RABGAP1: variants seen among roughly 807,000 people sequenced by gnomAD.
The protein encoded by RABGAP1 is rab GTPase-activating protein 1.
RABGAP1 carries 23 observed loss-of-function variants against 137.6 expected under a neutral mutation model. That is an observed-to-expected ratio of 0.17 (90% confidence interval 0.12 to 0.24). RABGAP1 has a LOEUF of 0.24. RABGAP1 is among the 10% of genes least tolerant of loss of function. RABGAP1 has a pLI of 1.00. For missense variants in RABGAP1, 906 were observed against 1,275.8 expected (o/e 0.71, Z 4.42); for synonymous variants, 451 against 450.7 (o/e 1.00, Z -0.01).
intron 14 of RABGAP1, among the ~76,000 whole-genome samples, chr9:123,069,349 C>T (rs1386875934): frequency 6.6e-6 from 1 of 152,092 alleles, no homozygotes; most frequent in East Asian, 1.9e-4. Context: ...GTTTCGTGAG[C>T]GCATGCTGTA....
intron 10 of RABGAP1, among the ~76,000 whole-genome samples, chr9:123,004,293 C>T (rs2030004268): frequency 1.3e-5 from 2 of 152,032 alleles, no homozygotes; most frequent in South Asian, 2.1e-4. Context: ...ATCTCAACAA[C>T]GTCTTTTTTG....
At chr9:123,066,052 C>T (rs370080116) in intron 14 of RABGAP1, among the ~76,000 whole-genome samples, 3 of 152,142 alleles carry the variant, frequency 2.0e-5, no homozygotes, top group African/African-American at 7.2e-5. Context: ...TTCATCTGTT[C>T]TCAGAATTAG....
chr9:123,050,943 T>G (rs912924379), intron 13 of RABGAP1, among the ~76,000 whole-genome samples: 3 of 152,152 alleles, frequency 2.0e-5, no homozygotes, highest in Non-Finnish European at 2.9e-5. Flanking sequence ...GCAGGGTTTT[T>G]TTTGTTTGTT....
At chr9:123,098,539 C>T (rs1281657668) in intron 22 of RABGAP1, among the ~76,000 whole-genome samples, 176 bp from the exon 23 acceptor site, 1 of 152,176 alleles carries the variant, frequency 6.6e-6, no homozygotes, top group African/African-American at 2.4e-5. Context: ...TCTCCCTCTC[C>T]TGCATCAGGA....
chr9:122,988,830 CT>C (rs1836505406), intron 4 of RABGAP1, among the ~76,000 whole-genome samples: 1 of 151,648 alleles, frequency 6.6e-6, no homozygotes, highest in African/African-American at 2.4e-5. Flanking sequence ...GTAATCCCAG[CT>C]ACTTGGGAGG....
At chr9:123,050,514 T>C (rs1264732526) in intron 13 of RABGAP1, among the ~76,000 whole-genome samples, 1 of 152,248 alleles carries the variant, frequency 6.6e-6, no homozygotes, top group Non-Finnish European at 1.5e-5. Context: ...TAAAGGGCAG[T>C]GTTGCTAGTC....
At chr9:123,081,536 A>C (rs2034707126) in intron 19 of RABGAP1, among the ~76,000 whole-genome samples, 1 of 152,106 alleles carries the variant, frequency 6.6e-6, no homozygotes, top group African/African-American at 2.4e-5. Flanking sequence ...TCCCAGACTC[A>C]AACGATCCTC....
At chr9:122,953,292 A>G (rs1315381262) in intron 1 of RABGAP1, among the ~76,000 whole-genome samples, 1 of 152,166 alleles carries the variant, frequency 6.6e-6, no homozygotes, top group Non-Finnish European at 1.5e-5. Context: ...TGTTTTATGT[A>G]TAGTCCTTAG....
chr9:123,049,911 T>C (rs905518457), intron 13 of RABGAP1, among the ~76,000 whole-genome samples: 1 of 152,230 alleles, frequency 6.6e-6, no homozygotes, highest in East Asian at 1.9e-4. Flanking sequence ...TGCATAGATT[T>C]TATAGATAGG....
intron 16 of RABGAP1, 84 bp from the exon 17 acceptor site, chr9:123,074,197 TGGCC>T: frequency 6.7e-7 from 1 of 1,490,254 alleles, no homozygotes; most frequent in South Asian, 1.2e-5. Context: ...TTTACTTTTT[TGGCC>T]TATTCCTGGT....
intron 19 of RABGAP1, 94 bp from the exon 20 acceptor site, chr9:123,089,664 C>A: frequency 1.1e-6 from 1 of 932,476 alleles, no homozygotes; most frequent in Non-Finnish European, 1.6e-6. Context: ...ACTGAGATTG[C>A]CCAGGCCACC....
intron 13 of RABGAP1, chr9:123,034,452 C>G: frequency 1.5e-6 from 1 of 689,578 alleles, no homozygotes; most frequent in South Asian, 1.8e-5. Context: ...GAGTAAGGCT[C>G]CTCTGGCATT....
chr9:123,023,502 A>C (rs185667109), intron 13 of RABGAP1, among the ~76,000 whole-genome samples: 1 of 152,130 alleles, frequency 6.6e-6, no homozygotes, highest in Non-Finnish European at 1.5e-5. Flanking sequence ...ATTTAAATGC[A>C]TTTATACAGT....
chr9:123,061,161 C>G (rs1034678762), intron 13 of RABGAP1, among the ~76,000 whole-genome samples: 1 of 152,156 alleles, frequency 6.6e-6, no homozygotes, highest in Non-Finnish European at 1.5e-5. Context: ...TCTTACTGCC[C>G]AGGCTGGAGC....
At chr9:123,057,231 G>A (rs1490101473) in intron 13 of RABGAP1, among the ~76,000 whole-genome samples, 1 of 151,846 alleles carries the variant, frequency 6.6e-6, no homozygotes, top group African/African-American at 2.4e-5. Context: ...TGGCTGCCGG[G>A]CGGAGGGGCT....
intron 16 of RABGAP1, 151 bp downstream of exon 16, chr9:123,073,828 T>A: frequency 9.1e-7 from 1 of 1,099,380 alleles, no homozygotes; most frequent in Non-Finnish European, 1.3e-6. Context: ...ACTATGTGAT[T>A]ATGATGCAAA....
intron 10 of RABGAP1, among the ~76,000 whole-genome samples, chr9:123,006,796 A>G (rs1278022439): frequency 1.3e-5 from 2 of 151,906 alleles, no homozygotes; most frequent in Admixed American, 6.6e-5. Context: ...TTAAATAGAG[A>G]CGAGGTTTTA....
intron 13 of RABGAP1, among the ~76,000 whole-genome samples, chr9:123,043,924 G>C (rs1026725219): frequency 2.6e-4 from 36 of 140,610 alleles, no homozygotes; most frequent in African/African-American, 9.6e-4. Flanking sequence ...TTTTTGAGAC[G>C]GAGTCTCACT....
intron 1 of RABGAP1, among the ~76,000 whole-genome samples, chr9:122,943,992 C>G (rs1588146195): frequency 6.6e-6 from 1 of 152,168 alleles, no homozygotes; most frequent in East Asian, 1.9e-4. Flanking sequence ...CAGTATATTT[C>G]CAGCTAAAGG....
Sources: gnomAD v4.1 joint callset for allele counts (sites outside exome capture counted in the v4.1 genomes callset) on GRCh38, gnomAD v4.1.1 for gene constraint, MANE v1.5 for transcripts, NCBI Gene and HGNC (gene_info 2026-07-23, HGNC 2026-07-21) for gene names.